DENND2B: variants seen among roughly 807,000 people sequenced by gnomAD.
DENND2B encodes the protein DENN domain containing 2B.
In DENND2B, 32 loss-of-function variants were observed where a neutral mutation model predicts 116.0. The ratio of observed to expected loss-of-function variants is 0.28; its 90% confidence interval spans 0.21 to 0.37. DENND2B has a LOEUF of 0.37. Ranked by LOEUF, DENND2B falls within the 10% of genes least tolerant of loss-of-function variation. The pLI, the probability that DENND2B is intolerant of heterozygous loss-of-function variation, is 1.00. For missense variants in DENND2B, 1,276 were observed against 1,477.7 expected, an observed-to-expected ratio of 0.86 and a Z score of 2.24; for synonymous variants, 588 against 583.9, an observed-to-expected ratio of 1.01 and a Z score of -0.10.
intron 17 of DENND2B, among the ~76,000 whole-genome samples, chr11:8,697,202 C>G (rs2040516482): frequency 6.6e-6 from 1 of 152,256 alleles, no homozygotes; most frequent in African/African-American, 2.4e-5. Flanking sequence ...GCACCACTTT[C>G]ATCATATCCC....
At chr11:8,704,717 A>T (rs572887919) in intron 13 of DENND2B, among the ~76,000 whole-genome samples, 1 of 152,184 alleles carries the variant, frequency 6.6e-6, no homozygotes, top group South Asian at 2.1e-4. Flanking sequence ...TATTTTTTTG[A>T]GATGGAGTCT....
chr11:8,903,916 G>T (rs541829498), intron 1 of DENND2B, among the ~76,000 whole-genome samples: 1 of 142,806 alleles, frequency 7.0e-6, no homozygotes, highest in African/African-American at 2.6e-5. Context: ...AAAAAAGAAG[G>T]AATAGAAAAT....
At chr11:8,756,401 G>A (rs2053615083) in intron 1 of DENND2B, among the ~76,000 whole-genome samples, 1 of 152,164 alleles carries the variant, frequency 6.6e-6, no homozygotes, top group South Asian at 2.1e-4. Flanking sequence ...CAAGAAAGAA[G>A]CAGAACAAAA....
At chr11:8,750,252 G>A (rs2052121377) in intron 2 of DENND2B, among the ~76,000 whole-genome samples, 1 of 152,068 alleles carries the variant, frequency 6.6e-6, no homozygotes, top group Non-Finnish European at 1.5e-5. Context: ...ATGCGTAACT[G>A]CCTCTCTACC....
At chr11:8,835,101 G>C (rs1311961833) in intron 4 of DENND2B, among the ~76,000 whole-genome samples, 2 of 152,008 alleles carry the variant, frequency 1.3e-5, no homozygotes, top group African/African-American at 4.8e-5. Flanking sequence ...AAAATTAGCC[G>C]GGCATGGCGG....
intron 1 of DENND2B, among the ~76,000 whole-genome samples, chr11:8,892,573 C>T (rs1360350177): frequency 6.6e-6 from 1 of 152,024 alleles, no homozygotes; most frequent in African/African-American, 2.4e-5. Context: ...ATATCACCAC[C>T]GATCCCACAG....
chr11:8,726,050 G>GTGC, intron 4 of DENND2B, 23 bp downstream of exon 4: 1 of 1,613,660 alleles, frequency 6.2e-7, no homozygotes, highest in Non-Finnish European at 8.5e-7. Context: ...GATGACCCAG[G>GTGC]TGCCACCTCT....
chr11:8,837,378 C>T (rs1273672033), intron 4 of DENND2B, among the ~76,000 whole-genome samples: 4 of 152,216 alleles, frequency 2.6e-5, no homozygotes, highest in African/African-American at 9.6e-5. Context: ...GATGGAGTCT[C>T]GCTCTGTTGT....
intron 1 of DENND2B, among the ~76,000 whole-genome samples, chr11:8,910,631 T>TCG: frequency 1.6e-5 from 1 of 62,428 alleles, no homozygotes; most frequent in Admixed American, 1.7e-4. Context: ...CACTCCTGGC[T>TCG]AGTGTGTGTG....
At chr11:8,756,520 G>C (rs1201179976) in intron 1 of DENND2B, among the ~76,000 whole-genome samples, 2 of 152,210 alleles carry the variant, frequency 1.3e-5, no homozygotes, top group African/African-American at 2.4e-5. Context: ...GCACTGCTGA[G>C]AACCTCACAG....
chr11:8,901,229 C>CTTTTCTTTTCTTTTTTTTTCT (rs781408078), intron 1 of DENND2B, among the ~76,000 whole-genome samples: 2 of 83,916 alleles, frequency 2.4e-5, no homozygotes, highest in East Asian at 3.9e-4. Flanking sequence ...CTTTTCTTTT[C>CTTTTCTTTTCTTTTTTTTTCT]TTTTTTTTTT....
chr11:8,896,659 T>C (rs2064105923), intron 1 of DENND2B, among the ~76,000 whole-genome samples: 1 of 152,220 alleles, frequency 6.6e-6, no homozygotes, highest in Admixed American at 6.5e-5. Flanking sequence ...ACACAACCAT[T>C]CTGTTTTTCA....
chr11:8,748,381 C>G (rs1021278835), intron 2 of DENND2B, among the ~76,000 whole-genome samples: 6 of 152,232 alleles, frequency 3.9e-5, no homozygotes, highest in African/African-American at 1.4e-4. Flanking sequence ...AGCACAGAGC[C>G]TGGCACCCAG....
chr11:8,812,182 C>T (rs1300731302), upstream of DENND2B, among the ~76,000 whole-genome samples: 9 of 152,332 alleles, frequency 5.9e-5, no homozygotes, highest in South Asian at 1.0e-3. Flanking sequence ...TATATTGCCA[C>T]CTGATTTCAA....
Position 8,730,364 on chromosome 11 carries a change from C to T in DENND2B, c.926G>A (p.Ser309Asn). The T allele has an allele frequency of 6.2e-7, 1 of 1,603,642 alleles. No individual in the cohort carries two copies. Among genetic ancestry groups the T allele is most frequent in the Non-Finnish European group, 8.5e-7 (1 of 1,179,482 alleles). The change falls in exon 3 of 20, where the codon AGC (serine) becomes AAC (asparagine). Residue 309 changes from serine (S) to asparagine (N), a missense_variant. Around this residue, in one of 2 missense-constraint regions of DENND2B, gnomAD observed 856 missense variants for 846.6 expected, o/e 1.01. Coordinates refer to ENST00000313726, the MANE Select transcript of DENND2B (RefSeq NM_213618.2). This position sits in a 1 kb window ranked among gnomAD's most constrained non-coding sequence, Gnocchi z 4.1. ...GLPQLPSSCY[S>N]VDRGKRKTGT... ...AGTCTTCCTTTTCCCCCGGTCCACG[C>T]TGTAGCAGCTGCTGGGGAGCTGGGG...
At chr11:8,873,518 A>C (rs939721197), upstream of DENND2B, among the ~76,000 whole-genome samples, 1 of 152,258 alleles carries the variant, frequency 6.6e-6, no homozygotes, top group African/African-American at 2.4e-5. Context: ...CTATTAGTTC[A>C]TCTTAATACT....
intron 4 of DENND2B, chr11:8,830,745 C>T (rs1467293228): frequency 6.6e-6 from 1 of 152,214 alleles, no homozygotes; most frequent in African/African-American, 2.4e-5. Context: ...GAGCCCCCAT[C>T]ACAGGCTCCA....
chr11:8,777,600 G>A (rs916041662), intron 1 of DENND2B, among the ~76,000 whole-genome samples: 5 of 152,202 alleles, frequency 3.3e-5, no homozygotes, highest in Admixed American at 1.3e-4. Context: ...ACCATCAGAT[G>A]ATCATCCCAA....
chr11:8,837,806 A>G (rs1389088601), intron 4 of DENND2B, among the ~76,000 whole-genome samples: 1 of 152,228 alleles, frequency 6.6e-6, no homozygotes, highest in African/African-American at 2.4e-5. Context: ...GTTAGCAAAC[A>G]TCGAAGGTCT....
Sources: gnomAD v4.1 joint callset for allele counts (sites outside exome capture counted in the v4.1 genomes callset) on GRCh38, gnomAD v4.1.1 for gene constraint, gnomAD v4.1.1 regional missense constraint, Gnocchi (gnomAD v3.1) non-coding constraint, MANE v1.5 for transcripts, NCBI Gene and HGNC (gene_info 2026-07-23, HGNC 2026-07-21) for gene names.